The following KATNA1 variants were observed in gnomAD, a reference collection of about 807,000 sequenced individuals.
The protein encoded by KATNA1 is katanin p60 ATPase-containing subunit A1.
KATNA1 carries 42 observed loss-of-function variants against 62.6 expected under a neutral mutation model. The ratio of observed to expected loss-of-function variants is 0.67; its 90% CI spans 0.52 to 0.87. The LOEUF is 0.87. Ranked by LOEUF, KATNA1 falls within the 40% of genes least tolerant of loss-of-function variation. The probability of loss-of-function intolerance (pLI) is 0.00; values close to 1 mark genes in which losing one functional copy is unlikely to be tolerated. For missense variants in KATNA1, 498 were observed against 612.5 expected (o/e 0.81, Z 1.97); for synonymous variants, 186 against 201.9 (o/e 0.92, Z 0.67).
At chr6:149,597,030 T>C in intron 10 of KATNA1, 33 bp downstream of exon 10, 1 of 1,606,262 alleles carries the variant, frequency 6.2e-7, no homozygotes, top group Non-Finnish European at 8.5e-7. Flanking sequence ...AGTTTATGCT[T>C]ACAAAAACCT....
chr6:149,617,844 G>A (rs769377096), intron 4 of KATNA1, among the ~76,000 whole-genome samples: 28 of 151,950 alleles, frequency 1.8e-4, no homozygotes, highest in Non-Finnish European at 3.4e-4. Flanking sequence ...TCTGAGGCAG[G>A]AGAATCGCTT....
chr6:149,642,019 C>T (rs534938681), intron 1 of KATNA1, among the ~76,000 whole-genome samples: 12 of 152,252 alleles, frequency 7.9e-5, no homozygotes, highest in East Asian at 7.7e-4. Flanking sequence ...TCTCCTGCCT[C>T]GGCCTCCCGA....
At chr6:149,598,872 T>A (rs973164679) in intron 7 of KATNA1, among the ~76,000 whole-genome samples, 22 of 151,284 alleles carry the variant, frequency 1.5e-4, no homozygotes, top group African/African-American at 5.3e-4. Context: ...TATTTATTTA[T>A]TTTTTTTTAA....
chr6:149,597,664 G>A, intron 8 of KATNA1, 23 bp from the exon 9 acceptor site: 1 of 1,600,780 alleles, frequency 6.2e-7, no homozygotes, highest in Non-Finnish European at 8.5e-7. Flanking sequence ...TAAGGGGAGA[G>A]TGAAAAAGAT....
At chr6:149,642,923 T>C (rs1387399004) in intron 1 of KATNA1, among the ~76,000 whole-genome samples, 1 of 152,218 alleles carries the variant, frequency 6.6e-6, no homozygotes, top group African/African-American at 2.4e-5. Flanking sequence ...GCCTCTAAGA[T>C]GGCACTCAAT....
In KATNA1 at chr6:149,598,363, AC is replaced by A; in HGVS notation, c.889-14del. 1 of 1,611,930 alleles carries A rather than the reference AC, an allele frequency of 6.2e-7. No individual in the cohort carries two copies. Among genetic ancestry groups the A allele is most frequent in the Non-Finnish European group, 8.5e-7 (1 of 1,178,640 alleles). Reference sequence around the variant, plus strand: ...AATAAAATCGAGCCTAAAGGAAGAAACCATGCAATATCAAGCTATTAAGCTA... The same window carrying A: ...AATAAAATCGAGCCTAAAGGAAGAAACATGCAATATCAAGCTATTAAGCTA... On this transcript the variant is annotated splice_polypyrimidine_tract_variant and intron_variant, in intron 7 of 10. Transcript: ENST00000367411.
rs556072871 is a variant in KATNA1 at position 149,598,342 on chromosome 6, A to G, written c.897T>C (p.Phe299=). The part of the protein sequence containing the change: ...LVRLLFEMAR[F]YSPATIFIDE... The stretch of plus-strand genomic sequence containing the variant: ...CAATAAATATGGTGGCTGGAGAATA[A>G]AATCGAGCCTAAAGGAAGAAACCAT... Residue 299 remains phenylalanine (F), a synonymous_variant, in exon 8 of 11, where the codon TTT becomes TTC. Transcript: ENST00000367411. 6.2e-7 allele frequency: 1 copy of G among 1,613,818 alleles called. No individual in the cohort carries two copies. The highest frequency in any genetic ancestry group is 1.3e-5 in the African/African-American group (1 of 74,998).
At chr6:149,618,391 T>C (rs756223959) in intron 4 of KATNA1, among the ~76,000 whole-genome samples, 3 of 151,654 alleles carry the variant, frequency 2.0e-5, no homozygotes, top group Non-Finnish European at 4.4e-5. Context: ...GCAGAGACAA[T>C]TGCTTGAATC....
intron 1 of KATNA1, among the ~76,000 whole-genome samples, chr6:149,638,890 C>T (rs1780178009): frequency 1.3e-5 from 2 of 151,898 alleles, no homozygotes; most frequent in South Asian, 2.1e-4. Context: ...GCACCCACCG[C>T]CATGCCCGGC....
At chr6:149,607,855 C>T (rs1053901573) in intron 4 of KATNA1, among the ~76,000 whole-genome samples, 1 of 152,082 alleles carries the variant, frequency 6.6e-6, no homozygotes, top group Non-Finnish European at 1.5e-5. Flanking sequence ...CACCTTAGGT[C>T]AGTAGTTCGA....
intron 1 of KATNA1, among the ~76,000 whole-genome samples, chr6:149,647,936 A>G (rs1780551715): frequency 1.3e-5 from 2 of 152,228 alleles, no homozygotes; most frequent in African/African-American, 4.8e-5. Flanking sequence ...TTTGTATGAA[A>G]CAACTGTTTC....
chr6:149,609,464 G>C (rs747668849), intron 4 of KATNA1, among the ~76,000 whole-genome samples: 2 of 151,424 alleles, frequency 1.3e-5, no homozygotes, highest in Admixed American at 1.3e-4. Flanking sequence ...AAGGTGGCAA[G>C]ACTGCTTGAG....
chr6:149,620,713 C>G (rs1289190264), intron 4 of KATNA1, among the ~76,000 whole-genome samples: 1 of 152,192 alleles, frequency 6.6e-6, no homozygotes, highest in Non-Finnish European at 1.5e-5. Flanking sequence ...GTTAATTACT[C>G]TGATTTGATC....
intron 1 of KATNA1, among the ~76,000 whole-genome samples, chr6:149,641,947 G>C (rs12206402): frequency 0.35 from 52,788 of 152,088 alleles, 10,745 homozygotes; most frequent in East Asian, 0.81. Context: ...CTGTTGCCCA[G>C]GCTGGAGTGC....
chr6:149,624,245 G>A (rs1038985742), intron 3 of KATNA1, among the ~76,000 whole-genome samples: 4 of 151,928 alleles, frequency 2.6e-5, no homozygotes, highest in Non-Finnish European at 4.4e-5. Flanking sequence ...TTGAATTTTC[G>A]GATCAGGGAA....
At chr6:149,632,386 A>AAT (rs1270896349) in intron 3 of KATNA1, among the ~76,000 whole-genome samples, 1 of 151,250 alleles carries the variant, frequency 6.6e-6, no homozygotes. Context: ...AAAAAAAAAA[A>AAT]GAAAAAAAAG....
chr6:149,632,279 G>A lies in KATNA1; in HGVS notation c.320+480C>T, dbSNP rs1264426636. Among the ~76,000 whole-genome samples the A allele has an allele frequency of 2.6e-5, 4 of 151,914 alleles. No individual in the cohort carries two copies. The East Asian group carries it at 7.8e-4, about 29-fold the overall frequency. On this transcript the variant is annotated intron_variant, in intron 3 of 10. Coordinates refer to ENST00000367411, the MANE Select transcript of KATNA1 (RefSeq NM_007044.4). ...AGTCCCAGCTGCTCAGGAGGCTGAG[G>A]CAGGGAAGTCACTTGAACCCGGGAG...
intron 10 of KATNA1, among the ~76,000 whole-genome samples, chr6:149,596,468 A>G (rs1390416895): frequency 1.3e-5 from 2 of 152,192 alleles, no homozygotes; most frequent in African/African-American, 4.8e-5. Context: ...CCAGGAGGCA[A>G]AGGTTGCAGT....
intron 7 of KATNA1, among the ~76,000 whole-genome samples, chr6:149,600,510 G>A (rs1778497139): frequency 6.6e-6 from 1 of 152,060 alleles, no homozygotes; most frequent in South Asian, 2.1e-4. Context: ...GTGCACTTGT[G>A]TAGTCCCAGC....
Sources: allele counts gnomAD v4.1 joint callset (sites outside exome capture counted in the v4.1 genomes callset), GRCh38; gene constraint gnomAD v4.1.1; transcripts MANE v1.5; gene names NCBI Gene and HGNC (gene_info 2026-07-23, HGNC 2026-07-21).